CNTNAP2: variants seen among roughly 807,000 people sequenced by gnomAD.
CNTNAP2 encodes the protein contactin associated protein 2.
In CNTNAP2, 98 loss-of-function variants were observed where a neutral mutation model predicts 155.2. The observed-to-expected ratio is 0.63, with a 90% CI of 0.54 to 0.75. The LOEUF (loss-of-function observed/expected upper bound fraction) is 0.75. Ranked by LOEUF, CNTNAP2 falls within the 30% of genes least tolerant of loss-of-function variation. CNTNAP2 has a pLI of 0.00. For missense variants in CNTNAP2, 1,727 were observed against 1,688.1 expected, an observed-to-expected ratio of 1.02 and a Z score of -0.40; for synonymous variants, 651 against 631.2, an observed-to-expected ratio of 1.03 and a Z score of -0.47.
intron 15 of CNTNAP2, among the ~76,000 whole-genome samples, chr7:148,066,285 T>C (rs2116521076): frequency 6.6e-6 from 1 of 152,310 alleles, no homozygotes; most frequent in East Asian, 1.9e-4. Flanking sequence ...TTGTGATGAA[T>C]TTCCCAGGTG....
intron 1 of CNTNAP2, among the ~76,000 whole-genome samples, chr7:146,734,419 A>G (rs1025621367): frequency 6.6e-6 from 1 of 152,204 alleles, no homozygotes; most frequent in African/African-American, 2.4e-5. Flanking sequence ...TAACAATAAA[A>G]AAGCATAAAG....
chr7:147,307,199 T>G (rs958008360), intron 9 of CNTNAP2, among the ~76,000 whole-genome samples: 3 of 152,130 alleles, frequency 2.0e-5, no homozygotes, highest in Admixed American at 6.6e-5. Flanking sequence ...TCGATATACA[T>G]TAAATCCCTT....
intron 1 of CNTNAP2, among the ~76,000 whole-genome samples, chr7:146,556,847 T>G (rs2129143686): frequency 6.6e-6 from 1 of 151,648 alleles, no homozygotes; most frequent in South Asian, 2.1e-4. Flanking sequence ...CTTGCCTTGG[T>G]GAAAGGGATT....
intron 23 of CNTNAP2, 136 bp from the exon 24 acceptor site, chr7:148,415,281 G>C (rs1799954772): frequency 1.1e-6 from 1 of 900,888 alleles, no homozygotes; most frequent in African/African-American, 1.7e-5. Context: ...CTTCATTTTT[G>C]TTATCTTTGT....
At chr7:147,363,199 A>G (rs916846592) in intron 9 of CNTNAP2, among the ~76,000 whole-genome samples, 3 of 152,174 alleles carry the variant, frequency 2.0e-5, no homozygotes, top group Non-Finnish European at 4.4e-5. Flanking sequence ...TCCTATAAAA[A>G]GAGAAGGAGA....
At chr7:146,810,626 G>T (rs559846023) in intron 2 of CNTNAP2, among the ~76,000 whole-genome samples, 2 of 147,856 alleles carry the variant, frequency 1.4e-5, no homozygotes, top group African/African-American at 4.9e-5. Context: ...CTTTCTATCT[G>T]TTTTTTTTTT....
intron 10 of CNTNAP2, among the ~76,000 whole-genome samples, chr7:147,462,546 T>C (rs1798043154): frequency 6.6e-6 from 1 of 152,228 alleles, no homozygotes; most frequent in Non-Finnish European, 1.5e-5. Context: ...AAGATATCAG[T>C]ACATTTAATT....
chr7:148,302,964 G>A (rs1033261081), intron 21 of CNTNAP2, among the ~76,000 whole-genome samples: 1 of 151,662 alleles, frequency 6.6e-6, no homozygotes, highest in African/African-American at 2.4e-5. Context: ...GATTACAGGC[G>A]CCTACTACTG....
intron 12 of CNTNAP2, among the ~76,000 whole-genome samples, chr7:147,571,416 C>T (rs1800289425): frequency 6.6e-6 from 1 of 151,690 alleles, no homozygotes; most frequent in African/African-American, 2.4e-5. Flanking sequence ...TTTCTAAGAG[C>T]TTTACATAAT....
chr7:146,159,331 A>G (rs1798179671), intron 1 of CNTNAP2, among the ~76,000 whole-genome samples: 1 of 152,208 alleles, frequency 6.6e-6, no homozygotes, highest in Non-Finnish European at 1.5e-5. Flanking sequence ...AACTGCATCA[A>G]CTAATGAGCA....
intron 2 of CNTNAP2, among the ~76,000 whole-genome samples, chr7:146,792,368 A>C (rs553647931): frequency 6.6e-6 from 1 of 152,338 alleles, no homozygotes; most frequent in African/African-American, 2.4e-5. Flanking sequence ...TTGTCTTGTC[A>C]AAGAAGCAAT....
intron 13 of CNTNAP2, among the ~76,000 whole-genome samples, chr7:147,675,882 T>C (rs1377175003): frequency 1.3e-5 from 2 of 152,044 alleles, no homozygotes; most frequent in African/African-American, 4.8e-5. Flanking sequence ...ATCATGCCCA[T>C]AATTCTTTAG....
rs79686326 is a variant in CNTNAP2 at position 146,710,443 on chromosome 7, C to A, written c.98-63828C>A. ...GATTTTGATTGAGGTTTGAAGTTTA[C>A]CATCAGAACCATATCTTTCCTAGAA... On this transcript the variant is annotated intron_variant, in intron 1 of 23. Coordinates refer to ENST00000361727, the MANE Select transcript of CNTNAP2 (RefSeq NM_014141.6). 4.3e-3 allele frequency among the ~76,000 whole-genome samples: 651 copies of A among 152,274 alleles called. 5 individuals carry two copies. Among genetic ancestry groups the A allele is most frequent in the African/African-American group, 0.014 (602 of 41,568 alleles).
At chr7:147,689,690 C>T (rs1796062188) in intron 13 of CNTNAP2, among the ~76,000 whole-genome samples, 1 of 152,062 alleles carries the variant, frequency 6.6e-6, no homozygotes, top group Admixed American at 6.6e-5. Context: ...ACAGCTTCAG[C>T]TCTGAAGGTA....
intron 12 of CNTNAP2, among the ~76,000 whole-genome samples, chr7:147,575,567 A>G (rs1466450265): frequency 6.7e-6 from 1 of 150,198 alleles, no homozygotes; most frequent in Non-Finnish European, 1.5e-5. Flanking sequence ...GCTTTAGGGG[A>G]TTTAGAAGGC....
At chr7:146,585,215 T>C (rs1225796949) in intron 1 of CNTNAP2, among the ~76,000 whole-genome samples, 3 of 152,002 alleles carry the variant, frequency 2.0e-5, no homozygotes, top group Non-Finnish European at 4.4e-5. Flanking sequence ...TCTGACTCCC[T>C]GGTTCAAGCC....
At chr7:147,095,822 A>G (rs1347964399) in intron 4 of CNTNAP2, among the ~76,000 whole-genome samples, 2 of 152,110 alleles carry the variant, frequency 1.3e-5, no homozygotes, top group East Asian at 3.9e-4. Flanking sequence ...ATTATTAATT[A>G]AATAATTATC....
At chr7:146,482,037 CA>C (rs1796967027) in intron 1 of CNTNAP2, among the ~76,000 whole-genome samples, 1 of 151,762 alleles carries the variant, frequency 6.6e-6, no homozygotes, top group Admixed American at 6.6e-5. Context: ...AGGAGTAAAA[CA>C]ATCAATAATA....
intron 2 of CNTNAP2, among the ~76,000 whole-genome samples, chr7:146,815,814 G>A (rs550213449): frequency 6.6e-6 from 1 of 152,180 alleles, no homozygotes; most frequent in African/African-American, 2.4e-5. Flanking sequence ...CAACGTGCAG[G>A]TTTGTTACAT....
Sources: allele counts gnomAD v4.1 joint callset (sites outside exome capture counted in the v4.1 genomes callset), GRCh38; gene constraint gnomAD v4.1.1; transcripts MANE v1.5; gene names NCBI Gene and HGNC (gene_info 2026-07-23, HGNC 2026-07-21).